Variants in RIPK1 observed in about 807,000 individuals in gnomAD.
RIPK1 encodes receptor interacting serine/threonine kinase 1.
In RIPK1, 27 loss-of-function variants were observed where a neutral mutation model predicts 62.4. The ratio of observed to expected loss-of-function variants is 0.43; its 90% confidence interval spans 0.32 to 0.60. The LOEUF is 0.60. Ranked by LOEUF, RIPK1 falls within the 20% of genes least tolerant of loss-of-function variation. The probability of loss-of-function intolerance (pLI) is 0.07; values close to 1 mark genes in which losing one functional copy is unlikely to be tolerated. For missense variants in RIPK1, 735 were observed against 831.0 expected (o/e 0.88, Z 1.42); for synonymous variants, 287 against 303.2 (o/e 0.95, Z 0.55).
chr6:3,098,713 T>C (rs1760440199), intron 7 of RIPK1, among the ~76,000 whole-genome samples: 2 of 152,152 alleles, frequency 1.3e-5, no homozygotes, highest in African/African-American at 4.8e-5. Context: ...GATAATCAAA[T>C]AGATTAATAG....
chr6:3,070,469 G>T (rs1425588609), intron 1 of RIPK1, among the ~76,000 whole-genome samples: 1 of 152,040 alleles, frequency 6.6e-6, no homozygotes, highest in Non-Finnish European at 1.5e-5. Context: ...ACAGAGTCTT[G>T]CTCTGTCACC....
chr6:3,102,550 G>C (rs779718751), intron 7 of RIPK1, among the ~76,000 whole-genome samples: 5 of 152,050 alleles, frequency 3.3e-5, no homozygotes, highest in African/African-American at 1.2e-4. Flanking sequence ...CAGTTCTTTG[G>C]GGTATATATA....
intron 3 of RIPK1, 68 bp downstream of exon 3, chr6:3,078,003 T>TG: frequency 6.6e-7 from 1 of 1,508,694 alleles, no homozygotes; most frequent in African/African-American, 1.4e-5. Flanking sequence ...TGGCTCCCCT[T>TG]GGGGTGTTTG....
upstream of RIPK1, among the ~76,000 whole-genome samples, chr6:3,064,348 C>T (rs1188810150): frequency 1.3e-5 from 2 of 152,268 alleles, no homozygotes; most frequent in African/African-American, 4.8e-5. Flanking sequence ...TCCTCCCCAC[C>T]TGCCGGCCCT....
rs761537692 is a variant in RIPK1, at chr6:3,083,096, C to T, written c.471C>T (p.Leu157=). 3.7e-6 allele frequency: 6 copies of T among 1,613,856 alleles called. No individual in the cohort carries two copies. The highest frequency in any genetic ancestry group is 5.1e-6 in the Non-Finnish European group (6 of 1,179,892). Residue 157 remains leucine (L), a synonymous_variant, in exon 5 of 11, where the codon CTC becomes CTT. Transcript: ENST00000259808. The part of the protein sequence containing the change: ...DNDFHIKIAD[L]GLASFKMWSK... ...AATGTCTTTCGCAGATCGCAGACCT[C>T]GGCCTTGCCTCCTTTAAGATGTGGA...
At chr6:3,102,715 C>T (rs1215670136) in intron 7 of RIPK1, among the ~76,000 whole-genome samples, 1 of 152,164 alleles carries the variant, frequency 6.6e-6, no homozygotes, top group Non-Finnish European at 1.5e-5. Context: ...ATTCTCCTGC[C>T]TCACCTTCCC....
intron 4 of RIPK1, among the ~76,000 whole-genome samples, chr6:3,081,700 A>C (rs1385465973): frequency 3.3e-5 from 5 of 151,924 alleles, no homozygotes; most frequent in African/African-American, 4.8e-5. Flanking sequence ...ATCTCTACTG[A>C]AAATACAAAA....
At chr6:3,112,937 T>C in intron 10 of RIPK1, 116 bp from the exon 11 acceptor site, 1 of 830,520 alleles carries the variant, frequency 1.2e-6, no homozygotes, top group Non-Finnish European at 1.8e-6. Flanking sequence ...TAAGAAGTTA[T>C]CTTTTTCACT....
chr6:3,079,937 A>C (rs1759291122), intron 3 of RIPK1, among the ~76,000 whole-genome samples: 2 of 152,226 alleles, frequency 1.3e-5, no homozygotes, highest in African/African-American at 4.8e-5. Context: ...GATGAGGGAA[A>C]GTTCAGGTGC....
upstream of RIPK1, among the ~76,000 whole-genome samples, chr6:3,065,248 G>C (rs113689173): frequency 0.09 from 10,158 of 112,840 alleles, 544 homozygotes; most frequent in Middle Eastern, 0.34. Flanking sequence ...CTGGGCGACA[G>C]AGCCAGACTC....
At chr6:3,075,663 A>G (rs1759011135) in intron 1 of RIPK1, among the ~76,000 whole-genome samples, 1 of 152,020 alleles carries the variant, frequency 6.6e-6, no homozygotes, top group South Asian at 2.1e-4. Context: ...TTAAATTTGT[A>G]TTTGTAGGAA....
Position 3,083,294 on chromosome 6 carries a change from A to C in RIPK1, c.669A>C (p.Ala223=), listed in dbSNP as rs777178001. 1 of 1,613,240 alleles carries C rather than the reference A, an allele frequency of 6.2e-7. No individual in the cohort carries two copies. The highest frequency in any genetic ancestry group is 8.5e-7 in the Non-Finnish European group (1 of 1,179,944). The change falls in exon 5 of 11, where the codon GCA becomes GCC. Residue 223 remains alanine (A), a synonymous_variant. Coordinates refer to ENST00000259808, the MANE Select transcript of RIPK1 (RefSeq NM_001354930.2). ...SFAVVLWAIF[A]NKEPYENAIC... is the part of the protein sequence containing the mutation. Reference sequence around the variant, plus strand: ...CTGTAGTACTCTGGGCGATATTTGCAAATAAGGAGCCATATGAAAGTAAGG... The same window carrying C: ...CTGTAGTACTCTGGGCGATATTTGCCAATAAGGAGCCATATGAAAGTAAGG...
Position 3,074,874 on chromosome 6 carries a change from G to T in RIPK1, c.-60-1890G>T, listed in dbSNP as rs901651863. Among the ~76,000 whole-genome samples the T allele has an allele frequency of 2.0e-4, 30 of 152,244 alleles. No homozygotes were observed. In the South Asian group the frequency reaches 2.1e-3, roughly 11 times the overall value. Reference sequence around the variant, plus strand: ...TTTTTGTATTTTTAGTAGAGACGGGGTTTCACCATGTTGGCCAGGCTGGTC... The same window carrying T: ...TTTTTGTATTTTTAGTAGAGACGGGTTTTCACCATGTTGGCCAGGCTGGTC... On this transcript the variant is annotated intron_variant, in intron 1 of 10. Coordinates refer to ENST00000259808, the MANE Select transcript of RIPK1 (RefSeq NM_001354930.2).
Position 3,110,898 on chromosome 6 carries a change from G to GACAGC in RIPK1, c.1676_1680dup (p.Asn561AlafsTer24). The GACAGC allele has an allele frequency of 6.2e-7, 1 of 1,613,346 alleles. No individual in the cohort carries two copies. Among genetic ancestry groups the GACAGC allele is most frequent in the Non-Finnish European group, 8.5e-7 (1 of 1,179,430 alleles). ...TGGTGGGACGAGTTCATCACTACTA[G>GACAGC]ACAGCACAAATACGAACTTCAAAGA... On this transcript the variant is annotated frameshift_variant, in exon 10 of 11. Coordinates refer to ENST00000259808, the MANE Select transcript of RIPK1 (RefSeq NM_001354930.2). LOFTEE classifies it high-confidence loss of function.
chr6:3,111,662 A>G lies in RIPK1; in HGVS notation c.1729+707A>G, dbSNP rs1389835920. ...ATGAGCACGGCTGTGTTCCAATAAA[A>G]GTGGATTTACAAATGCTGGCAGGAG... On this transcript the variant is annotated intron_variant, in intron 10 of 10. Transcript: ENST00000259808. Among the ~76,000 whole-genome samples, 6 of 152,234 alleles carry G rather than the reference A, an allele frequency of 3.9e-5. No individual in the cohort carries two copies. In the East Asian group the frequency reaches 1.2e-3, roughly 29 times the overall value.
chr6:3,113,049 G>T lies in RIPK1; in HGVS notation c.1730-4G>T. ...GATACCTTCTTCTTTTTCCCATTTG[G>T]CAGATAATACCACTAGTCTGACGGA... On this transcript the variant is annotated splice_polypyrimidine_tract_variant and splice_region_variant and intron_variant, in intron 10 of 10. Coordinates refer to ENST00000259808, the MANE Select transcript of RIPK1 (RefSeq NM_001354930.2). This position sits in a 1 kb window ranked among gnomAD's most constrained non-coding sequence, Gnocchi z 5.0. 2.0e-6 allele frequency: 3 copies of T among 1,520,200 alleles called. No individual in the cohort carries two copies. Among genetic ancestry groups the T allele is most frequent in the South Asian group, 1.3e-5 (1 of 75,054 alleles). 94.2% of individuals were successfully genotyped at this position (1,520,200 alleles called of 1,614,324 possible). A position where few individuals can be genotyped will look rare whatever the true frequency, so the allele number is the denominator to read the frequency against.
chr6:3,089,439 G>C, intron 6 of RIPK1, 142 bp from the exon 7 acceptor site: 1 of 618,970 alleles, frequency 1.6e-6, no homozygotes, highest in Non-Finnish European at 2.9e-6. Context: ...GTCTCTATCA[G>C]AGTCAGTGAT....
intron 2 of RIPK1, 114 bp from the exon 3 acceptor site, chr6:3,077,665 C>G (rs774681020): frequency 1.8e-6 from 2 of 1,139,730 alleles, no homozygotes; most frequent in Non-Finnish European, 2.5e-6. Flanking sequence ...TGGAAGAGAT[C>G]GGTACAGACC....
chr6:3,069,159 G>GTTA (rs1758557161), intron 1 of RIPK1, among the ~76,000 whole-genome samples: 1 of 152,082 alleles, frequency 6.6e-6, no homozygotes, highest in Non-Finnish European at 1.5e-5. Context: ...CATTAATGTT[G>GTTA]TTTTGGTGGA....
Sources: allele counts gnomAD v4.1 joint callset (sites outside exome capture counted in the v4.1 genomes callset), GRCh38; gene constraint gnomAD v4.1.1; non-coding constraint Gnocchi (gnomAD v3.1); transcripts MANE v1.5; gene names NCBI Gene and HGNC (gene_info 2026-07-23, HGNC 2026-07-21).